Variants in RAB3B observed in about 807,000 individuals in gnomAD.
RAB3B encodes ras-related protein Rab-3B.
In RAB3B, 11 loss-of-function variants were observed where a neutral mutation model predicts 20.5. The observed-to-expected ratio is 0.54, with a 90% CI of 0.34 to 0.89. The LOEUF is 0.89. Ranked by LOEUF, RAB3B falls within the 40% of genes least tolerant of loss-of-function variation. RAB3B has a pLI of 0.02. For synonymous variants in RAB3B, 99 were observed against 106.3 expected, an observed-to-expected ratio of 0.93 and a Z score of 0.42; for missense variants, 225 against 280.9, an observed-to-expected ratio of 0.80 and a Z score of 1.42.
chr1:51,918,522 A>G lies in RAB3B; in HGVS notation c.*1405T>C, dbSNP rs907076128. On this transcript the variant is annotated 3_prime_UTR_variant, in exon 5 of 5. Transcript: ENST00000371655. ...GTCTCTGACAGCAGAGCTGGTACCA[A>G]CAGGGAGGGAAGAAGAAGAAGAATT... 6.6e-6 allele frequency: 1 copy of G among 152,276 alleles called. No homozygotes were observed. The highest frequency in any genetic ancestry group is 1.5e-5 in the Non-Finnish European group (1 of 68,082). The allele number at this position is 152,276 out of a possible 1,614,324, so 9.4% of individuals were successfully genotyped here.
intron 2 of RAB3B, among the ~76,000 whole-genome samples, chr1:51,940,459 T>C (rs2124260872): frequency 6.6e-6 from 1 of 152,074 alleles, no homozygotes; most frequent in Non-Finnish European, 1.5e-5. Flanking sequence ...CCTGTCTGTA[T>C]TAAAAATACA....
chr1:51,926,942 G>C (rs1014463641), intron 4 of RAB3B, among the ~76,000 whole-genome samples: 8 of 152,124 alleles, frequency 5.3e-5, no homozygotes, highest in Non-Finnish European at 1.2e-4. Context: ...AATATACTAT[G>C]TACTATACAG....
intron 3 of RAB3B, among the ~76,000 whole-genome samples, chr1:51,934,723 C>T (rs2124251950): frequency 7.2e-6 from 1 of 138,750 alleles, no homozygotes; most frequent in South Asian, 2.2e-4. Flanking sequence ...TTGCAGTGAG[C>T]CAAGATCGCA....
intron 2 of RAB3B, among the ~76,000 whole-genome samples, chr1:51,955,924 G>T (rs1211533669): frequency 1.3e-5 from 2 of 152,142 alleles, no homozygotes; most frequent in Non-Finnish European, 2.9e-5. Context: ...TTGCATACAG[G>T]TGGCAGAGTG....
At chr1:51,982,447 T>G (rs1685100064) in intron 1 of RAB3B, among the ~76,000 whole-genome samples, 1 of 152,000 alleles carries the variant, frequency 6.6e-6, no homozygotes, top group Non-Finnish European at 1.5e-5. Context: ...TGCTTTAAGT[T>G]AAGTGTTGTT....
At chr1:51,978,874 T>C (rs1464988861) in intron 1 of RAB3B, among the ~76,000 whole-genome samples, 1 of 152,212 alleles carries the variant, frequency 6.6e-6, no homozygotes, top group Non-Finnish European at 1.5e-5. Context: ...GATAAGGAGC[T>C]GATTAATGTA....
Position 51,908,518 on chromosome 1 carries a change from T to C in RAB3B, c.*11409A>G, listed in dbSNP as rs550625599. ...ATCATCTGCTCCTGGCTCCTTGATC[T>C]GAGGGAAGCCTCTGCTGTTCAACCT... On this transcript the variant is annotated 3_prime_UTR_variant, in exon 5 of 5. Transcript: ENST00000371655. The C allele has an allele frequency of 4.6e-4, 70 of 152,186 alleles. No homozygotes were observed. Among genetic ancestry groups the C allele is most frequent in the African/African-American group, 1.6e-3 (67 of 41,538 alleles). 9.4% of individuals were successfully genotyped at this position (152,186 alleles called of 1,614,324 possible).
intron 1 of RAB3B, 107 bp downstream of exon 1, chr1:51,990,445 C>T (rs895381119): frequency 1.3e-5 from 2 of 150,606 alleles, no homozygotes; most frequent in African/African-American, 4.9e-5. Context: ...GGCTTCCTTC[C>T]GCTGCCCCGC....
chr1:51,915,632 A>G lies in RAB3B; in HGVS notation c.*4295T>C, dbSNP rs1290164659. ...TAGATGTAAATAAACACAATACTGTATTGCACTTTTGGCCACTTTTGCGTC... is the reference window on the plus strand; with the variant it reads ...TAGATGTAAATAAACACAATACTGTGTTGCACTTTTGGCCACTTTTGCGTC... On this transcript the variant is annotated 3_prime_UTR_variant, in exon 5 of 5. Coordinates refer to ENST00000371655, the MANE Select transcript of RAB3B (RefSeq NM_002867.4). 1 of 152,180 alleles carries G rather than the reference A, an allele frequency of 6.6e-6. No individual in the cohort carries two copies. Among genetic ancestry groups the G allele is most frequent in the Non-Finnish European group, 1.5e-5 (1 of 68,032 alleles). The allele number at this position is 152,180 out of a possible 1,614,324, so 9.4% of individuals were successfully genotyped here. A position where few individuals can be genotyped will look rare whatever the true frequency, so the allele number is the denominator to read the frequency against.
chr1:51,954,113 G>A (rs948697711), intron 2 of RAB3B, among the ~76,000 whole-genome samples: 1 of 152,228 alleles, frequency 6.6e-6, no homozygotes, highest in African/African-American at 2.4e-5. Flanking sequence ...GGGAAACTGA[G>A]CTTTGAGAGG....
intron 1 of RAB3B, among the ~76,000 whole-genome samples, chr1:51,980,044 C>A (rs911184971): frequency 2.0e-5 from 3 of 148,476 alleles, no homozygotes; most frequent in Admixed American, 6.7e-5. Context: ...TCCACCCCCC[C>A]AAAAAAAAAA....
chr1:51,945,436 G>C (rs1398560170), intron 2 of RAB3B, among the ~76,000 whole-genome samples: 1 of 152,096 alleles, frequency 6.6e-6, no homozygotes, highest in African/African-American at 2.4e-5. Flanking sequence ...TATATGCACT[G>C]GGAAACCAAA....
chr1:51,986,546 G>A (rs990926756), intron 1 of RAB3B, among the ~76,000 whole-genome samples: 4 of 152,104 alleles, frequency 2.6e-5, no homozygotes, highest in Non-Finnish European at 2.9e-5. Context: ...CCAGAGGTTC[G>A]AGGTTAGAGT....
At chr1:51,973,161 A>G in intron 2 of RAB3B, among the ~76,000 whole-genome samples, 1 of 152,208 alleles carries the variant, frequency 6.6e-6, no homozygotes, top group Middle Eastern at 3.2e-3. Flanking sequence ...CATCCCTTTA[A>G]GTAAGAAAAA....
chr1:51,912,896 G>C lies in RAB3B; in HGVS notation c.*7031C>G, dbSNP rs1228106166. The C allele has an allele frequency of 1.3e-5, 2 of 152,072 alleles. No homozygotes were observed. The highest frequency in any genetic ancestry group is 4.8e-5 in the African/African-American group (2 of 41,394). 9.4% of individuals were successfully genotyped at this position (152,072 alleles called of 1,614,324 possible). A position where few individuals can be genotyped will look rare whatever the true frequency, so the allele number is the denominator to read the frequency against. ...AACAAGTTTGGGGGCAGAATCAAGA[G>C]TTTCAATTTGGACATGTTAAGTTTG... On this transcript the variant is annotated 3_prime_UTR_variant, in exon 5 of 5. Transcript: ENST00000371655.
chr1:51,967,027 C>T (rs1290475407), intron 2 of RAB3B, among the ~76,000 whole-genome samples: 1 of 152,166 alleles, frequency 6.6e-6, no homozygotes, highest in East Asian at 1.9e-4. Context: ...AAATGAAAGA[C>T]TGAGGCTGGG....
chr1:51,922,113 G>A (rs1684180109), intron 4 of RAB3B, among the ~76,000 whole-genome samples: 1 of 152,310 alleles, frequency 6.6e-6, no homozygotes, highest in South Asian at 2.1e-4. Context: ...TTATACTCAG[G>A]CCATAGAAAC....
chr1:51,965,773 C>A (rs1242892834), intron 2 of RAB3B, among the ~76,000 whole-genome samples: 1 of 151,622 alleles, frequency 6.6e-6, no homozygotes, highest in Non-Finnish European at 1.5e-5. Flanking sequence ...GGAAAAAAAA[C>A]TAGTGAAATT....
At chr1:51,949,427 C>G (rs558805229) in intron 2 of RAB3B, among the ~76,000 whole-genome samples, 12 of 152,316 alleles carry the variant, frequency 7.9e-5, no homozygotes, top group African/African-American at 2.9e-4. Flanking sequence ...AACTCTGGCC[C>G]TCAGGGCTGC....
Sources: allele counts gnomAD v4.1 joint callset (sites outside exome capture counted in the v4.1 genomes callset), GRCh38; gene constraint gnomAD v4.1.1; transcripts MANE v1.5; gene names NCBI Gene and HGNC (gene_info 2026-07-23, HGNC 2026-07-21).